CAVIN4: variants seen among roughly 807,000 people sequenced by gnomAD.
CAVIN4 encodes the protein caveolae-associated protein 4.
In CAVIN4, 10 loss-of-function variants were observed where a neutral mutation model predicts 18.6. The ratio of observed to expected loss-of-function variants is 0.54; its 90% CI spans 0.33 to 0.91. The LOEUF is 0.91. Ranked by LOEUF, CAVIN4 falls within the 40% of genes least tolerant of loss-of-function variation. The probability of loss-of-function intolerance (pLI) is 0.02; values close to 1 mark genes in which losing one functional copy is unlikely to be tolerated. For missense variants in CAVIN4, 459 were observed against 440.5 expected, an observed-to-expected ratio of 1.04 and a Z score of -0.38; for synonymous variants, 173 against 164.8, an observed-to-expected ratio of 1.05 and a Z score of -0.38.
chr9:100,581,746 TTTTTTCCCC>T (rs1325744699), intron 1 of CAVIN4, among the ~76,000 whole-genome samples: 1 of 152,166 alleles, frequency 6.6e-6, no homozygotes, highest in African/African-American at 2.4e-5. Flanking sequence ...CAAGATTGTG[TTTTTTCCCC>T]TATCTAACAG....
At chr9:100,578,025 T>C (rs1262730481), upstream of CAVIN4, 4 of 926,982 alleles carry the variant, frequency 4.3e-6, no homozygotes, top group East Asian at 2.5e-5. Flanking sequence ...TTGACCGTTC[T>C]CTAGGGGTGG....
chr9:100,582,666 A>G (rs1006809644), intron 1 of CAVIN4, among the ~76,000 whole-genome samples: 30 of 151,796 alleles, frequency 2.0e-4, no homozygotes, highest in Admixed American at 5.3e-4. Context: ...TTTCCTCTTG[A>G]CTTCTGGGGT....
At chr9:100,577,843 T>C (rs1839379711), upstream of CAVIN4, among the ~76,000 whole-genome samples, 1 of 152,210 alleles carries the variant, frequency 6.6e-6, no homozygotes, top group South Asian at 2.1e-4. Context: ...AGGTTTAATA[T>C]TAGTTACATG....
chr9:100,583,053 T>G (rs1282915429), intron 1 of CAVIN4, among the ~76,000 whole-genome samples: 2 of 152,228 alleles, frequency 1.3e-5, no homozygotes, highest in African/African-American at 2.4e-5. Context: ...TGCCAAGGAA[T>G]TCTGAGTAAA....
rs1034707616 is a variant in CAVIN4 at position 100,588,283 on chromosome 9, A to G, written c.*1832A>G. Among the ~76,000 whole-genome samples, 1 of 152,346 alleles carries G rather than the reference A, an allele frequency of 6.6e-6. No homozygotes were observed. Among genetic ancestry groups the G allele is most frequent in the South Asian group, 2.1e-4 (1 of 4,826 alleles). On this transcript the variant is annotated 3_prime_UTR_variant, in exon 2 of 2. Transcript: ENST00000307584. ...TAAAGTGTATACAACATTGGATAAC[A>G]CTTTCAAATGAATAATTTTAAAATG...
At position 100,586,341 on chromosome 9, in the gene CAVIN4, C is replaced by G. The variant is rs141175381; in HGVS notation, c.985C>G (p.His329Asp). The G allele has an allele frequency of 3.1e-6, 5 of 1,613,994 alleles. No homozygotes were observed. The highest frequency in any genetic ancestry group is 1.7e-5 in the Admixed American group (1 of 60,014). The change falls in exon 2 of 2, where the codon CAT (histidine) becomes GAT (aspartate). Residue 329 changes from histidine to aspartate, a missense_variant. Transcript: ENST00000307584. Reference sequence around the variant, plus strand: ...GGCAGCCAGGCCGGTGTATCCTCCCCATGAAGGAAGGGAAATCCCCACCCC... The same window carrying G: ...GGCAGCCAGGCCGGTGTATCCTCCCGATGAAGGAAGGGAAATCCCCACCCC... ...HEAARPVYPP[H>D]EGREIPTPEP...
chr9:100,584,267 A>G (rs1168789977), intron 1 of CAVIN4, among the ~76,000 whole-genome samples: 2 of 152,202 alleles, frequency 1.3e-5, no homozygotes, highest in African/African-American at 4.8e-5. Flanking sequence ...CTTGCCATCT[A>G]ACATGCTATA....
At position 100,588,013 on chromosome 9, in the gene CAVIN4, GACA is replaced by G. The variant is rs1839502375; in HGVS notation, c.*1565_*1567del. On this transcript the variant is annotated 3_prime_UTR_variant, in exon 2 of 2. Coordinates refer to ENST00000307584, the MANE Select transcript of CAVIN4 (RefSeq NM_001018116.2). ...GAAATTGTTGAATTTGAAGAGTTGG[GACA>G]ACGATCAGCTATCCCACTTTTTTTC... 1 of 152,226 alleles carries G rather than the reference GACA, an allele frequency of 6.6e-6. No homozygotes were observed. The highest frequency in any genetic ancestry group is 2.4e-5 in the African/African-American group (1 of 41,456). The allele number at this position is 152,226 out of a possible 1,614,324, so 9.4% of individuals were successfully genotyped here. A position where few individuals can be genotyped will look rare whatever the true frequency, so the allele number is the denominator to read the frequency against.
At chr9:100,585,659 G>A in intron 1 of CAVIN4, 106 bp from the exon 2 acceptor site, 1 of 853,620 alleles carries the variant, frequency 1.2e-6, no homozygotes, top group Non-Finnish European at 1.9e-6. Flanking sequence ...GGAGCAGGCA[G>A]AGGATAAACA....
chr9:100,586,120 T>G lies in CAVIN4; in HGVS notation c.764T>G (p.Phe255Cys), dbSNP rs1485360718. The G allele has an allele frequency of 3.8e-6, 6 of 1,591,902 alleles. No homozygotes were observed. The highest frequency in any genetic ancestry group is 5.1e-6 in the Non-Finnish European group (6 of 1,170,004). ...AGGCTGAGACAGTCAGGGGAGAGGT[T>G]TAAGAAATCTATTTCTAATGCAGCT... ...GERLRQSGER[F>C]KKSISNAAPS... The change falls in exon 2 of 2, where the codon TTT becomes TGT. Residue 255 changes from phenylalanine (F) to cysteine (C), a missense_variant. Phe to Cys is a radical substitution (Grantham distance 205). Coordinates refer to ENST00000307584, the MANE Select transcript of CAVIN4 (RefSeq NM_001018116.2).
upstream of CAVIN4, chr9:100,576,888 A>G: frequency 4.1e-6 from 1 of 244,850 alleles, no homozygotes; most frequent in South Asian, 9.7e-5. Context: ...ACTACTTCAC[A>G]AATGGTTATA....
chr9:100,584,634 A>C (rs1010103588), intron 1 of CAVIN4, among the ~76,000 whole-genome samples: 4 of 152,268 alleles, frequency 2.6e-5, no homozygotes, highest in African/African-American at 9.6e-5. Context: ...AGATAGAGTT[A>C]GCCACTTGAG....
intron 1 of CAVIN4, among the ~76,000 whole-genome samples, chr9:100,580,109 G>T (rs901598620): frequency 4.6e-5 from 7 of 151,536 alleles, no homozygotes; most frequent in African/African-American, 1.2e-4. Context: ...AAAAGCCTGG[G>T]CAATGTGGCA....
Position 100,586,547 on chromosome 9 carries a change from C to T in CAVIN4, c.*96C>T. 1 of 820,708 alleles carries T rather than the reference C, an allele frequency of 1.2e-6. No homozygotes were observed. Among genetic ancestry groups the T allele is most frequent in the South Asian group, 2.0e-5 (1 of 49,482 alleles). The allele number at this position is 820,708 out of a possible 1,614,324, so 50.8% of individuals were successfully genotyped here. A position where few individuals can be genotyped will look rare whatever the true frequency, so the allele number is the denominator to read the frequency against. On this transcript the variant is annotated 3_prime_UTR_variant, in exon 2 of 2. Transcript: ENST00000307584. Reference sequence around the variant, plus strand: ...TACATTTCTGTGCCATGTAGGAAAACATAAATGTATTTTTTTTCTTATATT... The same window carrying T: ...TACATTTCTGTGCCATGTAGGAAAATATAAATGTATTTTTTTTCTTATATT...
At chr9:100,584,232 C>G (rs1285730434) in intron 1 of CAVIN4, among the ~76,000 whole-genome samples, 1 of 152,224 alleles carries the variant, frequency 6.6e-6, no homozygotes, top group African/African-American at 2.4e-5. Context: ...CCCTTCCCTG[C>G]TTTAGTTCTC....
chr9:100,584,469 C>T (rs536106633), intron 1 of CAVIN4, among the ~76,000 whole-genome samples: 2 of 152,318 alleles, frequency 1.3e-5, no homozygotes, highest in South Asian at 4.1e-4. Context: ...GTGCAAGACA[C>T]TCTGATAGAT....
Position 100,586,070 on chromosome 9 carries a change from AGAGAGGCTGAGACAGTCAGGG to A in CAVIN4, c.742_762del (p.Leu248_Arg254del), listed in dbSNP as rs746462546. On this transcript the variant is annotated inframe_deletion, in exon 2 of 2. Coordinates refer to ENST00000307584, the MANE Select transcript of CAVIN4 (RefSeq NM_001018116.2). ...GGAGAGAGAGGCTAAGGCAGTCAGG[AGAGAGGCTGAGACAGTCAGGG>A]GAGAGGCTGAGACAGTCAGGGGAGA... The A allele has an allele frequency of 1.2e-4, 196 of 1,603,660 alleles. No individual in the cohort carries two copies. Among genetic ancestry groups the A allele is most frequent in the South Asian group, 3.5e-4 (32 of 90,914 alleles).
rs370997194 is a variant in CAVIN4, at chr9:100,585,814, T to A, written c.458T>A (p.Leu153Gln). The A allele has an allele frequency of 6.2e-7, 1 of 1,614,006 alleles. No individual in the cohort carries two copies. Among genetic ancestry groups the A allele is most frequent in the African/African-American group, 1.3e-5 (1 of 74,906 alleles). Residue 153 changes from leucine to glutamine, a missense_variant, in exon 2 of 2, where the codon CTA becomes CAA. Physicochemically the swap from Leu to Gln is moderately radical, Grantham distance 113. Transcript: ENST00000307584. Reference sequence around the variant, plus strand: ...CTGTCTGTTGTTAAAGACAGAAACCTAACTGAGAACCAAGAAGAGGATGAT... The same window carrying A: ...CTGTCTGTTGTTAAAGACAGAAACCAAACTGAGAACCAAGAAGAGGATGAT... ...TSLSVVKDRNLTENQEEDDDD... is the reference protein window; with the variant it reads ...TSLSVVKDRNQTENQEEDDDD...
intron 1 of CAVIN4, among the ~76,000 whole-genome samples, chr9:100,584,734 T>C (rs958664096): frequency 1.9e-4 from 29 of 152,176 alleles, no homozygotes; most frequent in Admixed American, 1.2e-3. Flanking sequence ...TGTCAGAAAC[T>C]TCTGGGTATG....
Sources: gnomAD v4.1 joint callset for allele counts (sites outside exome capture counted in the v4.1 genomes callset) on GRCh38, gnomAD v4.1.1 for gene constraint, MANE v1.5 for transcripts, NCBI Gene and HGNC (gene_info 2026-07-23, HGNC 2026-07-21) for gene names.